The following TRRAP variants were observed in gnomAD, a reference collection of about 807,000 sequenced individuals.
The protein encoded by TRRAP is transformation/transcription domain-associated protein.
In TRRAP, 41 loss-of-function variants were observed where a neutral mutation model predicts 438.8. The ratio of observed to expected loss-of-function variants is 0.09; its 90% CI spans 0.07 to 0.12. TRRAP has a LOEUF of 0.12. Ranked by LOEUF, TRRAP falls within the 10% of genes least tolerant of loss-of-function variation. The probability of loss-of-function intolerance (pLI) is 1.00; values close to 1 mark genes in which losing one functional copy is unlikely to be tolerated. For synonymous variants in TRRAP, 1,994 were observed against 1,962.9 expected (o/e 1.02, Z -0.42); for missense variants, 3,122 against 5,055.1 (o/e 0.62, Z 11.60).
chr7:98,879,954 G>A (rs1185218536), intron 1 of TRRAP, among the ~76,000 whole-genome samples: 3 of 152,196 alleles, frequency 2.0e-5, no homozygotes, highest in African/African-American at 7.2e-5. Context: ...ATTATGCAAG[G>A]AGGAGGGGTG....
At chr7:98,899,185 T>C (rs782090642) in intron 8 of TRRAP, among the ~76,000 whole-genome samples, 3 of 151,952 alleles carry the variant, frequency 2.0e-5, no homozygotes, top group Non-Finnish European at 4.4e-5. Context: ...CAAGACTCCA[T>C]CTCAAAAAAA....
chr7:99,005,440 G>GTTAGCC lies in TRRAP; in HGVS notation c.10753+95_10753+100dup, dbSNP rs1360064366. The GTTAGCC allele has an allele frequency of 4.1e-5, 52 of 1,263,922 alleles. No homozygotes were observed. Among genetic ancestry groups the GTTAGCC allele is most frequent in the Non-Finnish European group, 5.7e-5 (50 of 875,662 alleles). The allele number at this position is 1,263,922 out of a possible 1,614,324, so 78.3% of individuals were successfully genotyped here. A position where few individuals can be genotyped will look rare whatever the true frequency, so the allele number is the denominator to read the frequency against. On this transcript the variant is annotated intron_variant, in intron 69 of 72. Transcript: ENST00000456197. The surrounding 1 kb of genome is among the most constrained non-coding windows in gnomAD (Gnocchi z 5.1). ...CTCGTGGGGTGCACAGGCAGCTCAC[G>GTTAGCC]TTAGCCTTTGAGGGTCCAGCTGCGT... is the stretch of plus-strand genomic sequence containing the variant.
chr7:98,937,544 C>G (rs1584334045), intron 29 of TRRAP, 106 bp from the exon 30 acceptor site: 1 of 1,262,598 alleles, frequency 7.9e-7, no homozygotes, highest in East Asian at 2.6e-5. Context: ...ATTCCATCTT[C>G]CTAAAGGAGA....
At position 98,935,634 on chromosome 7, in the gene TRRAP, A is replaced by G; in HGVS notation, c.4070A>G (p.Lys1357Arg). 6.2e-7 allele frequency: 1 copy of G among 1,605,714 alleles called. No individual in the cohort carries two copies. The highest frequency in any genetic ancestry group is 8.5e-7 in the Non-Finnish European group (1 of 1,173,032). Residue 1357 changes from lysine to arginine, a missense_variant, in exon 28 of 73, where the codon AAA becomes AGA. Around this residue, in one of 24 missense-constraint regions of TRRAP, gnomAD observed 84 missense variants for 119.8 expected, o/e 0.70. Coordinates refer to ENST00000456197, the MANE Select transcript of TRRAP (RefSeq NM_001375524.1). Reference protein sequence around the residue: ...DSALTKLPCYKSLPSLVPLRI... With the variant: ...DSALTKLPCYRSLPSLVPLRI... Reference sequence around the variant, plus strand: ...GCTTTAACAAAGCTGCCCTGTTATAAAAGCCTTCCGTCACTCGTACCTTTA... The same window carrying G: ...GCTTTAACAAAGCTGCCCTGTTATAGAAGCCTTCCGTCACTCGTACCTTTA...
chr7:98,934,054 C>G (rs1008808796), intron 27 of TRRAP, among the ~76,000 whole-genome samples: 2 of 152,154 alleles, frequency 1.3e-5, no homozygotes, highest in African/African-American at 4.8e-5. Context: ...AACACGGACC[C>G]TGGCAGATGG....
intron 33 of TRRAP, 72 bp downstream of exon 33, chr7:98,946,022 T>G: frequency 7.4e-7 from 1 of 1,358,462 alleles, no homozygotes; most frequent in Non-Finnish European, 9.5e-7. Flanking sequence ...GTTAGCTGTG[T>G]CGTGGTTCTG....
intron 2 of TRRAP, chr7:98,881,595 G>T: frequency 3.9e-6 from 1 of 259,372 alleles, no homozygotes; most frequent in Non-Finnish European, 7.2e-6. Flanking sequence ...AAAGAGAAAT[G>T]CATAAATATG....
At chr7:98,986,885 G>A (rs73161941) in intron 62 of TRRAP, among the ~76,000 whole-genome samples, 3 of 152,166 alleles carry the variant, frequency 2.0e-5, no homozygotes, top group Non-Finnish European at 2.9e-5. Flanking sequence ...GTGGTGTGAG[G>A]TAGGGGTCTA....
At chr7:98,893,737 G>A in intron 5 of TRRAP, 61 bp from the exon 6 acceptor site, 5 of 1,478,758 alleles carry the variant, frequency 3.4e-6, no homozygotes, top group Non-Finnish European at 4.7e-6. Context: ...AAACTGCTGA[G>A]AAAATTAGCC....
At chr7:98,904,972 C>T (rs1796656645) in intron 12 of TRRAP, among the ~76,000 whole-genome samples, 1 of 152,126 alleles carries the variant, frequency 6.6e-6, no homozygotes, top group African/African-American at 2.4e-5. Flanking sequence ...TCTGAAGAGC[C>T]AGTGGTTTGA....
At chr7:98,979,724 C>G (rs1256062935) in intron 58 of TRRAP, among the ~76,000 whole-genome samples, 1 of 152,198 alleles carries the variant, frequency 6.6e-6, no homozygotes, top group Non-Finnish European at 1.5e-5. Flanking sequence ...CGAGGTCTCA[C>G]AGATGCATTT....
intron 12 of TRRAP, among the ~76,000 whole-genome samples, chr7:98,905,066 A>G (rs1251159317): frequency 6.6e-6 from 1 of 152,178 alleles, no homozygotes; most frequent in Non-Finnish European, 1.5e-5. Flanking sequence ...AGTAGTGGTC[A>G]CGCAATTTCA....
Position 98,952,824 on chromosome 7 carries a change from T to C in TRRAP, c.5464-343T>C, listed in dbSNP as rs370977603. Among the ~76,000 whole-genome samples, 24 of 152,250 alleles carry C rather than the reference T, an allele frequency of 1.6e-4. No individual in the cohort carries two copies. In the South Asian group the frequency reaches 5.0e-3, roughly 32 times the overall value. ...GTAAGATAAGGTGAACGTGGGGCCG[T>C]CACCTGTGCAGATCGTTAACCTTTC... On this transcript the variant is annotated intron_variant, in intron 39 of 72. Coordinates refer to ENST00000456197, the MANE Select transcript of TRRAP (RefSeq NM_001375524.1).
At chr7:98,937,383 C>A in intron 29 of TRRAP, 106 bp downstream of exon 29, 1 of 1,457,560 alleles carries the variant, frequency 6.9e-7, no homozygotes, top group Non-Finnish European at 9.1e-7. Context: ...ACAGTGTATG[C>A]CTAAAAGGCT....
intron 26 of TRRAP, among the ~76,000 whole-genome samples, chr7:98,932,047 T>C (rs1172355738): frequency 6.6e-6 from 1 of 152,016 alleles, no homozygotes; most frequent in African/African-American, 2.4e-5. Flanking sequence ...CCTAAGTAGC[T>C]GGGACTACAG....
Position 98,994,246 on chromosome 7 carries a change from C to T in TRRAP, c.10048-341C>T, listed in dbSNP as rs567522811. 2.0e-4 allele frequency among the ~76,000 whole-genome samples: 30 copies of T among 152,284 alleles called. 1 individual carries two copies. The highest frequency in any genetic ancestry group is 4.1e-4 in the South Asian group (2 of 4,828). ...TGAAGTCTCGTGTGTGCACAGTGCACGCAGACACGCGGTGGGAACAGTACA... is the reference window on the plus strand; with the variant it reads ...TGAAGTCTCGTGTGTGCACAGTGCATGCAGACACGCGGTGGGAACAGTACA... On this transcript the variant is annotated intron_variant, in intron 66 of 72. Transcript: ENST00000456197. This position sits in a 1 kb window ranked among gnomAD's most constrained non-coding sequence, Gnocchi z 4.8.
rs1468995518 is a variant in TRRAP at position 98,956,130 on chromosome 7, G to C, written c.5938-16G>C. 3 of 1,605,342 alleles carry C rather than the reference G, an allele frequency of 1.9e-6. No homozygotes were observed. Among genetic ancestry groups the C allele is most frequent in the African/African-American group, 1.3e-5 (1 of 74,730 alleles). On this transcript the variant is annotated splice_polypyrimidine_tract_variant and intron_variant, in intron 41 of 72. Transcript: ENST00000456197. This position sits in a 1 kb window ranked among gnomAD's most constrained non-coding sequence, Gnocchi z 4.5. ...AGCTCCCATGTTCCGGCGTGATGCTGGCCCTGCGTCCGCAGGTGTACTACC... is the reference window on the plus strand; with the variant it reads ...AGCTCCCATGTTCCGGCGTGATGCTCGCCCTGCGTCCGCAGGTGTACTACC...
chr7:98,944,194 G>A (rs540747825), intron 31 of TRRAP, among the ~76,000 whole-genome samples: 2 of 152,148 alleles, frequency 1.3e-5, no homozygotes, highest in South Asian at 2.1e-4. Flanking sequence ...TCTCTCATCT[G>A]TTAGGTACTT....
intron 56 of TRRAP, among the ~76,000 whole-genome samples, chr7:98,977,878 G>GT (rs1422916602): frequency 6.6e-6 from 1 of 152,224 alleles, no homozygotes; most frequent in Non-Finnish European, 1.5e-5. Flanking sequence ...ACTGTCTTCT[G>GT]TCTCTGAACA....
Sources: gnomAD v4.1 joint callset for allele counts (sites outside exome capture counted in the v4.1 genomes callset) on GRCh38, gnomAD v4.1.1 for gene constraint, gnomAD v4.1.1 regional missense constraint, Gnocchi (gnomAD v3.1) non-coding constraint, MANE v1.5 for transcripts, NCBI Gene and HGNC (gene_info 2026-07-23, HGNC 2026-07-21) for gene names.